AHCTF1: variants seen among roughly 807,000 people sequenced by gnomAD.
The protein encoded by AHCTF1 is protein ELYS.
Under a neutral mutation model 248.4 loss-of-function variants are expected in AHCTF1, and 24 were observed. The ratio of observed to expected loss-of-function variants is 0.10; its 90% CI spans 0.07 to 0.14. AHCTF1 has a LOEUF of 0.14. Among genes scored for constraint, AHCTF1 ranks in the 10% least tolerant of loss-of-function variants. The probability of loss-of-function intolerance (pLI) is 1.00; values close to 1 mark genes in which losing one functional copy is unlikely to be tolerated. For missense variants in AHCTF1, 2,206 were observed against 2,636.2 expected (o/e 0.84, Z 3.57); for synonymous variants, 786 against 929.8 (o/e 0.85, Z 2.81).
intron 1 of AHCTF1, among the ~76,000 whole-genome samples, chr1:246,922,982 C>CAAAAAAAA: frequency 1.6e-5 from 1 of 63,930 alleles, no homozygotes; most frequent in Non-Finnish European, 2.9e-5. Context: ...GACTCTGTCT[C>CAAAAAAAA]AAAAAAAAAA....
At chr1:246,879,087 T>C (rs2103110978) in intron 21 of AHCTF1, among the ~76,000 whole-genome samples, 1 of 151,662 alleles carries the variant, frequency 6.6e-6, no homozygotes, top group East Asian at 1.9e-4. Context: ...ACAAGGTTGA[T>C]TTCCCTAATG....
chr1:246,864,337 A>G (rs990790036), intron 26 of AHCTF1: 4 of 454,678 alleles, frequency 8.8e-6, no homozygotes, highest in Non-Finnish European at 1.5e-5. Flanking sequence ...TGATTTTTAA[A>G]AAGAGTTTGC....
intron 1 of AHCTF1, among the ~76,000 whole-genome samples, chr1:246,921,343 C>G (rs1666539344): frequency 6.6e-6 from 1 of 152,034 alleles, no homozygotes; most frequent in Non-Finnish European, 1.5e-5. Flanking sequence ...GTGCTGAGTA[C>G]ACAGGTATTC....
intron 14 of AHCTF1, among the ~76,000 whole-genome samples, chr1:246,892,567 C>T (rs1248319300): frequency 2.6e-5 from 4 of 152,084 alleles, no homozygotes; most frequent in East Asian, 3.9e-4. Flanking sequence ...GTGATCCGCC[C>T]GCCTCGGCCT....
intron 17 of AHCTF1, among the ~76,000 whole-genome samples, chr1:246,888,807 G>C (rs960572236): frequency 1.3e-5 from 2 of 152,146 alleles, no homozygotes; most frequent in Non-Finnish European, 2.9e-5. Context: ...CCACTCAGGA[G>C]GATAAGGAAG....
intron 21 of AHCTF1, among the ~76,000 whole-genome samples, chr1:246,882,461 A>G (rs1158807964): frequency 6.6e-6 from 1 of 152,098 alleles, no homozygotes; most frequent in African/African-American, 2.4e-5. Flanking sequence ...AAAATAAACA[A>G]CCGTAATGAA....
At chr1:246,896,074 A>T in intron 12 of AHCTF1, 149 bp from the exon 13 acceptor site, 2 of 594,278 alleles carry the variant, frequency 3.4e-6, no homozygotes, top group Non-Finnish European at 6.0e-6. Flanking sequence ...AATAACAAGC[A>T]TGGTAAGGAC....
Position 246,918,350 on chromosome 1 carries a change from T to C in AHCTF1, c.21A>G (p.Gln7=), listed in dbSNP as rs766238300. The C allele has an allele frequency of 6.2e-7, 1 of 1,612,294 alleles. No homozygotes were observed. The highest frequency in any genetic ancestry group is 8.5e-7 in the Non-Finnish European group (1 of 1,179,228). Residue 7 remains glutamine (Q), a synonymous_variant, in exon 2 of 36, where the codon CAA becomes CAG. Coordinates refer to ENST00000648844, the MANE Select transcript of AHCTF1 (RefSeq NM_001323342.2). The part of the protein sequence containing the change: MRDLRA[Q]VTSGLLPFPE... The stretch of plus-strand genomic sequence containing the variant: ...GAAATGGCAGGAGACCACTAGTCAC[T>C]TGAGCTCTTAAGTCTCGCATACTTC...
In AHCTF1 at chr1:246,861,079, T is replaced by C; in HGVS notation, c.3952A>G (p.Thr1318Ala). Residue 1318 changes from threonine (T) to alanine (A), a missense_variant, in exon 29 of 36, where the codon ACC (threonine) becomes GCC (alanine). Coordinates refer to ENST00000648844, the MANE Select transcript of AHCTF1 (RefSeq NM_001323342.2). ...GACGGTGCATCCTGATACTCTAAGG[T>C]AGTCTCATCGGATGTGATTGAAACA... ...SSVSITSDET[T>A]LEYQDAPSPE... is the part of the protein sequence containing the mutation. 1.2e-6 allele frequency: 2 copies of C among 1,614,134 alleles called. No individual in the cohort carries two copies. The highest frequency in any genetic ancestry group is 1.7e-6 in the Non-Finnish European group (2 of 1,180,002).
intron 17 of AHCTF1, among the ~76,000 whole-genome samples, 185 bp downstream of exon 17, chr1:246,889,779 TTC>T (rs1664092852): frequency 6.6e-6 from 1 of 152,200 alleles, no homozygotes; most frequent in Non-Finnish European, 1.5e-5. Flanking sequence ...TTTACTTCAT[TTC>T]AAAGGAACTA....
Position 246,907,756 on chromosome 1 carries a change from G to C in AHCTF1, c.559C>G (p.Leu187Val), listed in dbSNP as rs543908057. The change falls in exon 5 of 36, where the codon CTT becomes GTT. Residue 187 changes from leucine to valine, a missense_variant and splice_region_variant. Leu to Val is a conservative substitution (Grantham distance 32). Around this residue, in one of 6 missense-constraint regions of AHCTF1, gnomAD observed 650 missense variants for 870.8 expected, o/e 0.75. Transcript: ENST00000648844. Reference sequence around the variant, plus strand: ...GCTGGGATACCAGTTAGAACTTCAAGATCTAAAACCACAAATTAGACAAAT... The same window carrying C: ...GCTGGGATACCAGTTAGAACTTCAACATCTAAAACCACAAATTAGACAAAT... The part of the protein sequence containing the change: ...CNQNEVEASD[L>V]EVLTGIPAEV... 6.2e-7 allele frequency: 1 copy of C among 1,608,262 alleles called. No individual in the cohort carries two copies. The highest frequency in any genetic ancestry group is 1.3e-5 in the African/African-American group (1 of 74,678).
rs544452497 is a variant in AHCTF1 at position 246,840,129 on chromosome 1, G to A, written c.*677C>T. 13 of 152,564 alleles carry A rather than the reference G, an allele frequency of 8.5e-5. No homozygotes were observed. The highest frequency in any genetic ancestry group is 2.1e-4 in the South Asian group (1 of 4,818). The allele number at this position is 152,564 out of a possible 1,614,324, so 9.5% of individuals were successfully genotyped here. A position where few individuals can be genotyped will look rare whatever the true frequency, so the allele number is the denominator to read the frequency against. The stretch of plus-strand genomic sequence containing the variant: ...TAAGGTTGCAAGTGAGCAGTGAACC[G>A]GTCAATCTAACCTGGATTAGTCTTT... On this transcript the variant is annotated 3_prime_UTR_variant, in exon 36 of 36. Coordinates refer to ENST00000648844, the MANE Select transcript of AHCTF1 (RefSeq NM_001323342.2).
intron 30 of AHCTF1, among the ~76,000 whole-genome samples, chr1:246,857,448 A>C (rs1256663680): frequency 3.3e-5 from 5 of 152,202 alleles, no homozygotes; most frequent in African/African-American, 1.2e-4. Flanking sequence ...GTCTTCAACA[A>C]AAACAGAATC....
At chr1:246,904,798 A>G (rs1326548826) in intron 6 of AHCTF1, among the ~76,000 whole-genome samples, 2 of 152,188 alleles carry the variant, frequency 1.3e-5, no homozygotes, top group East Asian at 3.9e-4. Context: ...AATTCCTATT[A>G]CTAGTTCTTA....
rs982898359 is a variant in AHCTF1 at position 246,840,059 on chromosome 1, C to T, written c.*747G>A. On this transcript the variant is annotated 3_prime_UTR_variant, in exon 36 of 36. Transcript: ENST00000648844. ...GGCACATACAAGATGCACTCAATATCCATAAACAGATTTATTTTACATTTC... is the reference window on the plus strand; with the variant it reads ...GGCACATACAAGATGCACTCAATATTCATAAACAGATTTATTTTACATTTC... 3.9e-5 allele frequency: 6 copies of T among 152,578 alleles called. No homozygotes were observed. Among genetic ancestry groups the T allele is most frequent in the Non-Finnish European group, 5.9e-5 (4 of 68,040 alleles). 9.5% of individuals were successfully genotyped at this position (152,578 alleles called of 1,614,324 possible). A position where few individuals can be genotyped will look rare whatever the true frequency, so the allele number is the denominator to read the frequency against.
chr1:246,869,097 G>A (rs558046139), intron 24 of AHCTF1, among the ~76,000 whole-genome samples: 21 of 151,198 alleles, frequency 1.4e-4, no homozygotes, highest in Middle Eastern at 3.4e-3. Flanking sequence ...GCCCGCCTTG[G>A]CCTCCCAAAG....
chr1:246,926,612 T>C (rs1043181130), intron 1 of AHCTF1, among the ~76,000 whole-genome samples: 9 of 152,116 alleles, frequency 5.9e-5, no homozygotes, highest in Non-Finnish European at 1.2e-4. Flanking sequence ...TCCCAGCACT[T>C]CGGAAAGCTG....
At chr1:246,922,778 C>T (rs188628781) in intron 1 of AHCTF1, among the ~76,000 whole-genome samples, 23 of 150,252 alleles carry the variant, frequency 1.5e-4, no homozygotes, top group East Asian at 4.1e-4. Context: ...GTCAGGAGAT[C>T]GAGACCATCC....
intron 1 of AHCTF1, among the ~76,000 whole-genome samples, chr1:246,922,318 C>T (rs1666599226): frequency 6.6e-6 from 1 of 152,124 alleles, no homozygotes; most frequent in Non-Finnish European, 1.5e-5. Flanking sequence ...AGAGATTGCA[C>T]CACTGCACTC....
Sources: allele counts gnomAD v4.1 joint callset (sites outside exome capture counted in the v4.1 genomes callset), GRCh38; gene constraint gnomAD v4.1.1; regional missense constraint gnomAD v4.1.1; transcripts MANE v1.5; gene names NCBI Gene and HGNC (gene_info 2026-07-23, HGNC 2026-07-21).